DERA: variants seen among roughly 807,000 people sequenced by gnomAD.
DERA encodes the protein deoxyribose-phosphate aldolase, also known as 2-deoxy-D-ribose 5-phosphate aldolase.
A neutral mutation model predicts 41.1 loss-of-function variants in DERA; 15 were observed. That is an observed-to-expected ratio of 0.37 (90% CI 0.24 to 0.56). The LOEUF is 0.56. Among genes scored for constraint, DERA ranks in the 20% least tolerant of loss-of-function variants. DERA has a pLI of 0.81. For missense variants in DERA, 396 were observed against 403.4 expected (o/e 0.98, Z 0.16); for synonymous variants, 139 against 137.4 (o/e 1.01, Z -0.08).
rs1466204639 is a variant in DERA at position 15,993,404 on chromosome 12, T to G, written c.637+10968T>G. 6.6e-6 allele frequency among the ~76,000 whole-genome samples: 1 copy of G among 151,978 alleles called. No individual in the cohort carries two copies. Among genetic ancestry groups the G allele is most frequent in the Non-Finnish European group, 1.5e-5 (1 of 67,990 alleles). On this transcript the variant is annotated intron_variant, in intron 6 of 8. Transcript: ENST00000428559. This position sits in a 1 kb window ranked among gnomAD's most constrained non-coding sequence, Gnocchi z 4.4. The stretch of plus-strand genomic sequence containing the variant: ...GTCACAAGTTACATGGAATCCCTCC[T>G]CTTAGGCTGCAAGTCTTTGTATACT...
Position 16,001,522 on chromosome 12 carries a change from T to A in DERA, c.637+19086T>A, listed in dbSNP as rs1370360155. Among the ~76,000 whole-genome samples the A allele has an allele frequency of 1.2e-4, 18 of 152,156 alleles. No homozygotes were observed. Among genetic ancestry groups the A allele is most frequent in the Non-Finnish European group, 1.2e-4 (8 of 68,020 alleles). ...ACAAAGAGAGAGTAATACAGACTTGTGGAGTCATGGTCTTAGGTCTGTGTG... is the reference window on the plus strand; with the variant it reads ...ACAAAGAGAGAGTAATACAGACTTGAGGAGTCATGGTCTTAGGTCTGTGTG... On this transcript the variant is annotated intron_variant, in intron 6 of 8. Transcript: ENST00000428559. The surrounding 1 kb of genome is among the most constrained non-coding windows in gnomAD (Gnocchi z 4.1).
At chr12:15,961,933 G>C (rs1406207123) in intron 4 of DERA, among the ~76,000 whole-genome samples, 1 of 152,080 alleles carries the variant, frequency 6.6e-6, no homozygotes, top group East Asian at 1.9e-4. Context: ...TAGTAGAGAT[G>C]GGGTTTCACC....
chr12:15,953,209 C>T (rs986717412), intron 1 of DERA, among the ~76,000 whole-genome samples: 1 of 152,290 alleles, frequency 6.6e-6, no homozygotes, highest in South Asian at 2.1e-4. Context: ...CCTACCCTTC[C>T]TCTGAACTTG....
intron 6 of DERA, among the ~76,000 whole-genome samples, chr12:16,018,091 G>A (rs2136183001): frequency 6.6e-6 from 1 of 152,146 alleles, no homozygotes; most frequent in South Asian, 2.1e-4. Context: ...TTTTCCCATT[G>A]TTAGCTATAT....
intron 5 of DERA, among the ~76,000 whole-genome samples, chr12:15,968,926 A>G (rs754761274): frequency 1.2e-4 from 18 of 152,196 alleles, no homozygotes; most frequent in Non-Finnish European, 1.9e-4. Flanking sequence ...TTGATAATTT[A>G]TACCTAGACC....
At chr12:15,934,030 C>T (rs1948347975) in intron 1 of DERA, among the ~76,000 whole-genome samples, 1 of 152,132 alleles carries the variant, frequency 6.6e-6, no homozygotes. Flanking sequence ...GTTGGTTGTA[C>T]TAGGATAAAG....
chr12:15,968,912 G>A (rs1257753704), intron 5 of DERA, among the ~76,000 whole-genome samples: 1 of 152,142 alleles, frequency 6.6e-6, no homozygotes, highest in Non-Finnish European at 1.5e-5. Flanking sequence ...TAGTCTTTAT[G>A]ATTTTGATAA....
rs147832847 is a variant in DERA, at chr12:16,015,581, G to T, written c.638-16961G>T. On this transcript the variant is annotated intron_variant, in intron 6 of 8. Coordinates refer to ENST00000428559, the MANE Select transcript of DERA (RefSeq NM_015954.4). ...TCCTTTATAAATTACCCAGTCTTGG[G>T]CAGTTCTTTATAGAGGTATGAAAAC... Among the ~76,000 whole-genome samples, 156 of 152,268 alleles carry T rather than the reference G, an allele frequency of 1.0e-3. 1 individual carries two copies. Among genetic ancestry groups the T allele is most frequent in the African/African-American group, 3.1e-3 (127 of 41,560 alleles).
At chr12:15,912,657 T>C (rs1457774499) in intron 1 of DERA, among the ~76,000 whole-genome samples, 1 of 152,162 alleles carries the variant, frequency 6.6e-6, no homozygotes, top group African/African-American at 2.4e-5. Flanking sequence ...ACCTAGTAAG[T>C]CTTCAGTATA....
chr12:15,927,971 T>C (rs1948299750), intron 1 of DERA, among the ~76,000 whole-genome samples: 2 of 152,330 alleles, frequency 1.3e-5, no homozygotes, highest in South Asian at 4.1e-4. Context: ...TTGCTAACTT[T>C]TAATGAAACT....
rs1948871963 is a variant in DERA, at chr12:16,001,145, T to C, written c.637+18709T>C. Among the ~76,000 whole-genome samples the C allele has an allele frequency of 6.6e-6, 1 of 152,188 alleles. No homozygotes were observed. The highest frequency in any genetic ancestry group is 1.5e-5 in the Non-Finnish European group (1 of 68,030). ...GCAGAGCTGATACTCTATTTCTTCC[T>C]GCTAAAATTCGGGCTCCCATTAGAG... On this transcript the variant is annotated intron_variant, in intron 6 of 8. Coordinates refer to ENST00000428559, the MANE Select transcript of DERA (RefSeq NM_015954.4). The surrounding 1 kb of genome is among the most constrained non-coding windows in gnomAD (Gnocchi z 4.1).
chr12:15,981,940 T>C lies in DERA; in HGVS notation c.509-368T>C, dbSNP rs1229453369. Among the ~76,000 whole-genome samples, 2 of 152,178 alleles carry C rather than the reference T, an allele frequency of 1.3e-5. No homozygotes were observed. Among genetic ancestry groups the C allele is most frequent in the Non-Finnish European group, 2.9e-5 (2 of 68,022 alleles). ...AGAACCTAAGATTTTTTTTTATTACTTTGCAAAGGGGTACACCACTGTATG... is the reference window on the plus strand; with the variant it reads ...AGAACCTAAGATTTTTTTTTATTACCTTGCAAAGGGGTACACCACTGTATG... On this transcript the variant is annotated intron_variant, in intron 5 of 8. Transcript: ENST00000428559. The surrounding 1 kb of genome is among the most constrained non-coding windows in gnomAD (Gnocchi z 6.1).
rs1219801980 is a variant in DERA, at chr12:15,928,165, C to T, written c.31+16751C>T. On this transcript the variant is annotated intron_variant, in intron 1 of 8. Coordinates refer to ENST00000428559, the MANE Select transcript of DERA (RefSeq NM_015954.4). This position sits in a 1 kb window ranked among gnomAD's most constrained non-coding sequence, Gnocchi z 4.6. ...AATGTCTGAAATTTACTCTCTTAGC[C>T]GTTTTGAAACATACATGAGTATTAA... Among the ~76,000 whole-genome samples, 1 of 152,142 alleles carries T rather than the reference C, an allele frequency of 6.6e-6. No homozygotes were observed. Among genetic ancestry groups the T allele is most frequent in the Admixed American group, 6.5e-5 (1 of 15,278 alleles).
chr12:15,977,041 A>G (rs965734780), intron 5 of DERA, among the ~76,000 whole-genome samples: 1 of 152,230 alleles, frequency 6.6e-6, no homozygotes, highest in African/African-American at 2.4e-5. Flanking sequence ...AGCAATTTAG[A>G]GATCATTTTT....
In DERA at chr12:15,966,777, G is replaced by A. The variant is rs997620475; in HGVS notation, c.508+3830G>A. Among the ~76,000 whole-genome samples, 1 of 151,982 alleles carries A rather than the reference G, an allele frequency of 6.6e-6. No individual in the cohort carries two copies. The highest frequency in any genetic ancestry group is 1.5e-5 in the Non-Finnish European group (1 of 67,994). On this transcript the variant is annotated intron_variant, in intron 5 of 8. Transcript: ENST00000428559. The surrounding 1 kb of genome is among the most constrained non-coding windows in gnomAD (Gnocchi z 5.1). ...CCATGTTTCTCAGAATCTGAGAACTGTGGTTCTCAGATTCTGTCCCAGTGT... is the reference window on the plus strand; with the variant it reads ...CCATGTTTCTCAGAATCTGAGAACTATGGTTCTCAGATTCTGTCCCAGTGT...
At chr12:15,925,873 G>C (rs1179787276) in intron 1 of DERA, among the ~76,000 whole-genome samples, 1 of 139,206 alleles carries the variant, frequency 7.2e-6, no homozygotes, top group Non-Finnish European at 1.5e-5. Flanking sequence ...TGTCACCCAG[G>C]CTGGAGTACA....
rs1055576295 is a variant in DERA at position 15,935,289 on chromosome 12, C to A, written c.32-21647C>A. On this transcript the variant is annotated intron_variant, in intron 1 of 8. Transcript: ENST00000428559. This position sits in a 1 kb window ranked among gnomAD's most constrained non-coding sequence, Gnocchi z 4.8. ...ATCACTTGAGCCCAGGAGTTCAAGA[C>A]CACCCTGGGCAACATGGCAAAACCC... Among the ~76,000 whole-genome samples the A allele has an allele frequency of 6.6e-6, 1 of 151,982 alleles. No homozygotes were observed. The highest frequency in any genetic ancestry group is 2.4e-5 in the African/African-American group (1 of 41,348).
intron 1 of DERA, 31 bp from the exon 2 acceptor site, chr12:15,956,905 G>A: frequency 6.6e-7 from 1 of 1,512,996 alleles, no homozygotes; most frequent in South Asian, 1.1e-5. Context: ...GAAACTTTAG[G>A]TTTCAGAAAG....
Position 16,003,655 on chromosome 12 carries a change from A to G in DERA, c.637+21219A>G, listed in dbSNP as rs1948890755. 6.6e-6 allele frequency among the ~76,000 whole-genome samples: 1 copy of G among 152,122 alleles called. No homozygotes were observed. ...AGACTGCAGGGTTGATGTAAGAAAA[A>G]CAGGTGAGTTTGCATTTGTTGGGGG... On this transcript the variant is annotated intron_variant, in intron 6 of 8. Coordinates refer to ENST00000428559, the MANE Select transcript of DERA (RefSeq NM_015954.4). This position sits in a 1 kb window ranked among gnomAD's most constrained non-coding sequence, Gnocchi z 4.8.
Sources: allele counts gnomAD v4.1 joint callset (sites outside exome capture counted in the v4.1 genomes callset), GRCh38; gene constraint gnomAD v4.1.1; non-coding constraint Gnocchi (gnomAD v3.1); transcripts MANE v1.5; gene names NCBI Gene and HGNC (gene_info 2026-07-23, HGNC 2026-07-21).